USP8: variants seen among roughly 807,000 people sequenced by gnomAD.
USP8 encodes the protein ubiquitin specific peptidase 8.
In USP8, 27 loss-of-function variants were observed where a neutral mutation model predicts 130.0. The ratio of observed to expected loss-of-function variants is 0.21; its 90% CI spans 0.15 to 0.29. The LOEUF (loss-of-function observed/expected upper bound fraction) is 0.29, where lower values mean the gene tolerates loss of function less well. USP8 is among the 10% of genes least tolerant of loss of function. The pLI is 1.00. For synonymous variants in USP8, 392 were observed against 444.1 expected, an observed-to-expected ratio of 0.88 and a Z score of 1.48; for missense variants, 1,029 against 1,312.2, an observed-to-expected ratio of 0.78 and a Z score of 3.33.
chr15:50,490,944 C>T (rs780040317), intron 14 of USP8, among the ~76,000 whole-genome samples: 57 of 152,252 alleles, frequency 3.7e-4, no homozygotes, highest in Non-Finnish European at 6.9e-4. Context: ...GCGAAGTTTT[C>T]CTATAGTATT....
At chr15:50,454,473 A>G (rs556372386) in intron 4 of USP8, among the ~76,000 whole-genome samples, 6 of 129,794 alleles carry the variant, frequency 4.6e-5, no homozygotes, top group South Asian at 4.6e-4. Flanking sequence ...TTTTTTTCAG[A>G]TGGAGTCTCA....
intron 7 of USP8, among the ~76,000 whole-genome samples, chr15:50,470,892 C>T (rs2051354734): frequency 6.6e-6 from 1 of 152,202 alleles, no homozygotes; most frequent in South Asian, 2.1e-4. Context: ...GCCACCATGC[C>T]CAGCCGGACT....
At chr15:50,449,129 ATG>A (rs1231782593) in intron 3 of USP8, among the ~76,000 whole-genome samples, 1 of 152,228 alleles carries the variant, frequency 6.6e-6, no homozygotes, top group East Asian at 1.9e-4. Context: ...AAAAATAACA[ATG>A]TTATTTATAC....
At chr15:50,437,567 C>A (rs1018969245) in intron 1 of USP8, among the ~76,000 whole-genome samples, 5 of 152,142 alleles carry the variant, frequency 3.3e-5, no homozygotes, top group Non-Finnish European at 7.4e-5. Context: ...ATCTTATATA[C>A]CCCTTTAATA....
At chr15:50,424,994 A>AT (rs149856410) in intron 1 of USP8, among the ~76,000 whole-genome samples, 184 of 148,528 alleles carry the variant, frequency 1.2e-3, no homozygotes, top group African/African-American at 3.1e-3. Flanking sequence ...CAAATAGAAG[A>AT]TTTTTTTTTT....
rs1387348755 is a variant in USP8, at chr15:50,503,323, C to G, written c.*4235C>G. On this transcript the variant is annotated 3_prime_UTR_variant, in exon 20 of 20. Transcript: ENST00000307179. Reference sequence around the variant, plus strand: ...TCATGCCATTGCATTCCAGCCTGGGCGGAGCCCTAAACAGGAAATTTAACA... The same window carrying G: ...TCATGCCATTGCATTCCAGCCTGGGGGGAGCCCTAAACAGGAAATTTAACA... The G allele has an allele frequency of 6.6e-6, 1 of 152,346 alleles. No individual in the cohort carries two copies. The highest frequency in any genetic ancestry group is 1.5e-5 in the Non-Finnish European group (1 of 68,162). 9.4% of individuals were successfully genotyped at this position (152,346 alleles called of 1,614,324 possible).
rs1361994298 is a variant in USP8 at position 50,471,849 on chromosome 15, A to G, written c.849+54A>G. 11 of 1,582,228 alleles carry G rather than the reference A, an allele frequency of 7.0e-6. No homozygotes were observed. In the Admixed American group the frequency reaches 1.9e-4, roughly 28 times the overall value. Reference sequence around the variant, plus strand: ...TAATTGCAGGGCATCTCTGGTTGTTAGAAAGGCATGTTAACTAGTTGTTTA... The same window carrying G: ...TAATTGCAGGGCATCTCTGGTTGTTGGAAAGGCATGTTAACTAGTTGTTTA... On this transcript the variant is annotated intron_variant, in intron 8 of 19. Transcript: ENST00000307179.
intron 15 of USP8, chr15:50,493,160 T>C (rs887396222): frequency 1.7e-6 from 1 of 579,314 alleles, no homozygotes; most frequent in Admixed American, 2.2e-5. Flanking sequence ...GACAGACTCG[T>C]CCTGTCGAGC....
Position 50,433,007 on chromosome 15 carries a change from C to T in USP8, c.-65-6002C>T, listed in dbSNP as rs374033175. On this transcript the variant is annotated intron_variant, in intron 1 of 19. Transcript: ENST00000307179. ...CTGTAATCCCACCACTTTGGGAGGC[C>T]GAGGCGGGCGGATCACCTGAGGTCA... Among the ~76,000 whole-genome samples, 6 of 152,222 alleles carry T rather than the reference C, an allele frequency of 3.9e-5. 1 individual carries two copies. The highest frequency in any genetic ancestry group is 1.9e-4 in the East Asian group (1 of 5,172).
intron 9 of USP8, 55 bp from the exon 10 acceptor site, chr15:50,477,221 G>A (rs1373091168): frequency 6.8e-7 from 1 of 1,478,042 alleles, no homozygotes; most frequent in African/African-American, 1.4e-5. Flanking sequence ...AGAAATGTAA[G>A]TACTGTGTAT....
Position 50,471,684 on chromosome 15 carries a change from A to G in USP8, c.738A>G (p.Thr246=), listed in dbSNP as rs2051381863. 6 of 1,614,052 alleles carry G rather than the reference A, an allele frequency of 3.7e-6. No homozygotes were observed. Among genetic ancestry groups the G allele is most frequent in the South Asian group, 3.3e-5 (3 of 91,060 alleles). The part of the protein sequence containing the change: ...EAHLPDDSKD[T]WKKRGNVEYV... ...ACCTGCCAGATGATTCTAAAGACAC[A>G]TGGAAGAAGAGGGGGAATGTGGAGT... is the stretch of plus-strand genomic sequence containing the variant. Residue 246 remains threonine (T), a synonymous_variant, in exon 8 of 20, where the codon ACA becomes ACG. Coordinates refer to ENST00000307179, the MANE Select transcript of USP8 (RefSeq NM_005154.5).
chr15:50,496,496 A>G (rs1480775792), intron 17 of USP8, among the ~76,000 whole-genome samples: 2 of 151,942 alleles, frequency 1.3e-5, no homozygotes, highest in African/African-American at 4.8e-5. Context: ...AAAAAAAAAA[A>G]AAAACCTTTT....
rs886951190 is a variant in USP8 at position 50,512,666 on chromosome 15, C to A, written c.*13578C>A. On this transcript the variant is annotated 3_prime_UTR_variant, in exon 20 of 20. Coordinates refer to ENST00000307179, the MANE Select transcript of USP8 (RefSeq NM_005154.5). ...AAAATTAGCCAGGCATGGTGGTGCA[C>A]CTGTAATCCCAGCTACTTGGGAGGC... is the stretch of plus-strand genomic sequence containing the variant. 6.6e-6 allele frequency: 1 copy of A among 152,086 alleles called. No homozygotes were observed. Among genetic ancestry groups the A allele is most frequent in the Admixed American group, 6.6e-5 (1 of 15,242 alleles). The allele number at this position is 152,086 out of a possible 1,614,324, so 9.4% of individuals were successfully genotyped here.
At chr15:50,470,346 G>T (rs1461494065) in intron 7 of USP8, among the ~76,000 whole-genome samples, 1 of 152,200 alleles carries the variant, frequency 6.6e-6, no homozygotes. Flanking sequence ...GCATGTGTGT[G>T]TGTTTAGAAA....
intron 6 of USP8, among the ~76,000 whole-genome samples, chr15:50,464,303 C>T (rs112881058): frequency 2.0e-5 from 3 of 152,100 alleles, no homozygotes; most frequent in South Asian, 2.1e-4. Context: ...AAAAAGCTAC[C>T]GTAAGACTGC....
intron 11 of USP8, 24 bp downstream of exon 11, chr15:50,482,089 C>G: frequency 6.9e-7 from 1 of 1,453,976 alleles, no homozygotes. Flanking sequence ...GTACAAATTG[C>G]CAACGAAGTG....
At chr15:50,454,276 TGTTTC>T (rs1374773685) in intron 4 of USP8, among the ~76,000 whole-genome samples, 2 of 152,186 alleles carry the variant, frequency 1.3e-5, no homozygotes, top group Non-Finnish European at 2.9e-5. Flanking sequence ...TGGCCTCCAT[TGTTTC>T]TGATATTAAG....
In USP8 at chr15:50,497,125, A is replaced by G; in HGVS notation, c.2932A>G (p.Thr978Ala). 6.2e-7 allele frequency: 1 copy of G among 1,605,896 alleles called. No individual in the cohort carries two copies. The highest frequency in any genetic ancestry group is 8.5e-7 in the Non-Finnish European group (1 of 1,177,278). Residue 978 changes from threonine to alanine, a missense_variant, in exon 18 of 20, where the codon ACA (threonine) becomes GCA (alanine). By Grantham distance (58) the Thr-to-Ala change is moderately conservative (BLOSUM62 0). Coordinates refer to ENST00000307179, the MANE Select transcript of USP8 (RefSeq NM_005154.5). ...LRLFSKEEKL[T>A]DNNRFYCSHC... ...ATTATTTTCCAAAGAAGAAAAACTC[A>G]CAGATAACAACAGATTTTACTGCAG...
At chr15:50,441,890 C>G (rs1370628011) in intron 3 of USP8, among the ~76,000 whole-genome samples, 1 of 149,826 alleles carries the variant, frequency 6.7e-6, no homozygotes, top group Non-Finnish European at 1.5e-5. Flanking sequence ...TTTTATGTGA[C>G]AGCTTTTTAT....
Sources: gnomAD v4.1 joint callset for allele counts (sites outside exome capture counted in the v4.1 genomes callset) on GRCh38, gnomAD v4.1.1 for gene constraint, MANE v1.5 for transcripts, NCBI Gene and HGNC (gene_info 2026-07-23, HGNC 2026-07-21) for gene names.